Variants in BTBD7 observed in about 807,000 individuals in gnomAD.
BTBD7 encodes BTB domain containing 7.
BTBD7 carries 38 observed loss-of-function variants against 99.9 expected under a neutral mutation model. The ratio of observed to expected loss-of-function variants is 0.38; its 90% CI spans 0.29 to 0.50. The LOEUF is 0.50. BTBD7 is among the 20% of genes least tolerant of loss of function. BTBD7 has a pLI of 0.93. For synonymous variants in BTBD7, 520 were observed against 511.4 expected, an observed-to-expected ratio of 1.02 and a Z score of -0.23; for missense variants, 1,170 against 1,394.6, an observed-to-expected ratio of 0.84 and a Z score of 2.57.
chr14:93,285,440 T>C (rs1007025204), intron 3 of BTBD7, among the ~76,000 whole-genome samples: 25 of 152,198 alleles, frequency 1.6e-4, no homozygotes, highest in African/African-American at 6.0e-4. Flanking sequence ...AAATTTCATA[T>C]TGTAAAGATT....
intron 1 of BTBD7, among the ~76,000 whole-genome samples, chr14:93,310,826 C>T (rs35521394): frequency 0.021 from 2,764 of 130,518 alleles, 36 homozygotes; most frequent in Middle Eastern, 0.034. Context: ...GTAGTATGTA[C>T]TTCCAACAGT....
chr14:93,298,309 A>C (rs2052954422), intron 1 of BTBD7, among the ~76,000 whole-genome samples: 4 of 152,198 alleles, frequency 2.6e-5, no homozygotes. Flanking sequence ...GAGCATCCCT[A>C]ATCAGAAAAT....
intron 3 of BTBD7, among the ~76,000 whole-genome samples, chr14:93,292,603 T>A (rs11624040): frequency 0.014 from 2,130 of 152,334 alleles, 23 homozygotes; most frequent in Middle Eastern, 0.034. Context: ...TTCCCACTCA[T>A]GTTTATCAAC....
intron 8 of BTBD7, among the ~76,000 whole-genome samples, chr14:93,250,296 G>T (rs1379812638): frequency 6.6e-6 from 1 of 152,130 alleles, no homozygotes; most frequent in Non-Finnish European, 1.5e-5. Flanking sequence ...CTGAGATTGA[G>T]TTCTAAGATT....
At chr14:93,267,721 T>C (rs913866625) in intron 3 of BTBD7, among the ~76,000 whole-genome samples, 1 of 152,240 alleles carries the variant, frequency 6.6e-6, no homozygotes, top group Admixed American at 6.5e-5. Context: ...TATTGGGTTC[T>C]TCTCCGGATG....
chr14:93,325,450 CATAGTA>C (rs1301846048), intron 1 of BTBD7, among the ~76,000 whole-genome samples: 3 of 151,918 alleles, frequency 2.0e-5, no homozygotes, highest in African/African-American at 7.3e-5. Context: ...ACATAATTGT[CATAGTA>C]ATATAGAGAA....
intron 1 of BTBD7, among the ~76,000 whole-genome samples, chr14:93,298,441 A>C (rs2052955847): frequency 1.3e-5 from 2 of 152,204 alleles, no homozygotes; most frequent in African/African-American, 4.8e-5. Context: ...ACTTTGTTTC[A>C]TGCACTATAT....
chr14:93,274,783 A>T (rs761390491), intron 3 of BTBD7, among the ~76,000 whole-genome samples: 1 of 152,194 alleles, frequency 6.6e-6, no homozygotes, highest in Non-Finnish European at 1.5e-5. Context: ...AGATACAAAA[A>T]TCTACAGTTT....
chr14:93,244,349 G>A (rs965998896), intron 10 of BTBD7: 1 of 203,150 alleles, frequency 4.9e-6, no homozygotes, highest in African/African-American at 2.4e-5. Flanking sequence ...TCACGGTAAA[G>A]ATAATAAAAT....
rs2052206035 is a variant in BTBD7, at chr14:93,240,040, C to CAG, written c.*2231_*2232dup. On this transcript the variant is annotated 3_prime_UTR_variant, in exon 11 of 11. Coordinates refer to ENST00000334746, the MANE Select transcript of BTBD7 (RefSeq NM_001002860.4). ...ATTCACTTTTGTTTCTGAAGACAGA[C>CAG]AGAGACTGGGCTTCAAAAGACACCG... The CAG allele has an allele frequency of 1.3e-5, 2 of 150,956 alleles. No individual in the cohort carries two copies. Among genetic ancestry groups the CAG allele is most frequent in the Admixed American group, 1.3e-4 (2 of 15,142 alleles). 9.4% of individuals were successfully genotyped at this position (150,956 alleles called of 1,614,324 possible).
At chr14:93,260,351 A>T (rs2052473651) in intron 5 of BTBD7, among the ~76,000 whole-genome samples, 1 of 152,218 alleles carries the variant, frequency 6.6e-6, no homozygotes, top group Non-Finnish European at 1.5e-5. Flanking sequence ...GATTCAGTAC[A>T]TAAAGGAATA....
At chr14:93,279,809 T>C (rs1470601981) in intron 3 of BTBD7, among the ~76,000 whole-genome samples, 1 of 152,182 alleles carries the variant, frequency 6.6e-6, no homozygotes. Context: ...TGGCACACAG[T>C]AAGAGCTCAA....
At chr14:93,321,314 G>A (rs2053266412) in intron 1 of BTBD7, among the ~76,000 whole-genome samples, 1 of 152,132 alleles carries the variant, frequency 6.6e-6, no homozygotes. Flanking sequence ...CTTCTTTTAA[G>A]GGGGGCAGTG....
At chr14:93,290,912 T>G (rs892758586) in intron 3 of BTBD7, among the ~76,000 whole-genome samples, 3 of 151,080 alleles carry the variant, frequency 2.0e-5, no homozygotes, top group Non-Finnish European at 4.4e-5. Flanking sequence ...CTTAAACTCC[T>G]GGCCTCAAGT....
At chr14:93,303,492 G>C (rs1239228683) in intron 1 of BTBD7, among the ~76,000 whole-genome samples, 1 of 152,072 alleles carries the variant, frequency 6.6e-6, no homozygotes, top group Non-Finnish European at 1.5e-5. Flanking sequence ...CTGCCACTCG[G>C]AAAGCAGAAA....
At chr14:93,288,849 T>C in intron 3 of BTBD7, 4 of 1,244,324 alleles carry the variant, frequency 3.2e-6, no homozygotes, top group South Asian at 1.6e-5. Context: ...CAGTTTCTTC[T>C]TGTATTTGCC....
At chr14:93,246,920 A>G (rs1272250643) in intron 9 of BTBD7, among the ~76,000 whole-genome samples, 1 of 144,924 alleles carries the variant, frequency 6.9e-6, no homozygotes, top group Non-Finnish European at 1.5e-5. Flanking sequence ...ACAAGAACCT[A>G]AAAATGTTCA....
rs559007364 is a variant in BTBD7, at chr14:93,266,277, G to T, written c.1163-2284C>A. On this transcript the variant is annotated intron_variant, in intron 3 of 10. Transcript: ENST00000334746. ...GAGCCGTAATCAAAGGACTCATGTT[G>T]CTGCTTTCTGTGGAGTGCTGTGTCA... 6.6e-5 allele frequency among the ~76,000 whole-genome samples: 10 copies of T among 152,090 alleles called. No individual in the cohort carries two copies. The South Asian group carries it at 1.9e-3, about 28-fold the overall frequency.
intron 1 of BTBD7, among the ~76,000 whole-genome samples, chr14:93,316,480 C>T (rs2053208197): frequency 6.6e-6 from 1 of 152,058 alleles, no homozygotes; most frequent in African/African-American, 2.4e-5. Context: ...AACTCTTGGC[C>T]TCAAGTGATC....
Sources: gnomAD v4.1 joint callset for allele counts (sites outside exome capture counted in the v4.1 genomes callset) on GRCh38, gnomAD v4.1.1 for gene constraint, MANE v1.5 for transcripts, NCBI Gene and HGNC (gene_info 2026-07-23, HGNC 2026-07-21) for gene names.